Variants in ANKRD28 observed in about 807,000 individuals in gnomAD.
ANKRD28 encodes the protein ankyrin repeat domain 28.
ANKRD28 carries 44 observed loss-of-function variants against 126.5 expected under a neutral mutation model. The observed-to-expected ratio is 0.35, with a 90% CI of 0.27 to 0.45. ANKRD28 has a LOEUF of 0.45. ANKRD28 is among the 20% of genes least tolerant of loss of function. The pLI is 1.00. For missense variants in ANKRD28, 1,110 were observed against 1,316.6 expected (o/e 0.84, Z 2.43); for synonymous variants, 442 against 468.5 (o/e 0.94, Z 0.73).
At chr3:15,709,074 C>T (rs918234040) in intron 13 of ANKRD28, among the ~76,000 whole-genome samples, 2 of 152,096 alleles carry the variant, frequency 1.3e-5, no homozygotes, top group Non-Finnish European at 2.9e-5. Flanking sequence ...ATACTGCTAC[C>T]ACAAATACTC....
chr3:15,704,413 T>C (rs779459650), intron 14 of ANKRD28, among the ~76,000 whole-genome samples: 1 of 152,140 alleles, frequency 6.6e-6, no homozygotes, highest in Non-Finnish European at 1.5e-5. Context: ...AGAAAACCAA[T>C]GTCAGATTGT....
In ANKRD28 at chr3:15,838,809, T is replaced by A. The variant is rs1036612750; in HGVS notation, c.27+20568A>T. Among the ~76,000 whole-genome samples the A allele has an allele frequency of 4.0e-5, 6 of 151,826 alleles. No individual in the cohort carries two copies. Among genetic ancestry groups the A allele is most frequent in the African/African-American group, 1.5e-4 (6 of 41,294 alleles). On this transcript the variant is annotated intron_variant, in intron 1 of 27. Transcript: ENST00000399451. This position sits in a 1 kb window ranked among gnomAD's most constrained non-coding sequence, Gnocchi z 4.0. ...ACGTGTCCATACACAGACTCATACA[T>A]GAATATTCATAGCAGTATTATTCAT...
chr3:15,689,711 G>A, intron 18 of ANKRD28: 1 of 235,986 alleles, frequency 4.2e-6, no homozygotes, highest in Non-Finnish European at 8.3e-6. Context: ...GAAGCTGGTA[G>A]TCTAGGACCT....
chr3:15,822,122 C>A (rs2060955628), intron 1 of ANKRD28, among the ~76,000 whole-genome samples: 1 of 152,198 alleles, frequency 6.6e-6, no homozygotes, highest in African/African-American at 2.4e-5. Flanking sequence ...GCCATATGCT[C>A]AGAGAAGACT....
chr3:15,691,414 C>T (rs1242273908), intron 17 of ANKRD28, among the ~76,000 whole-genome samples: 4 of 152,154 alleles, frequency 2.6e-5, no homozygotes, highest in African/African-American at 9.7e-5. Flanking sequence ...TGAGCCACTG[C>T]GCCCGGCCCC....
chr3:15,689,841 T>C, intron 18 of ANKRD28, 178 bp downstream of exon 18: 1 of 602,082 alleles, frequency 1.7e-6, no homozygotes, highest in East Asian at 2.8e-5. Flanking sequence ...TGACGGAGGC[T>C]TTGTAAATTC....
rs2066196361 is a variant in ANKRD28, at chr3:15,670,048, C to G, written c.*222G>C. ...ACAATTCCACAAAGAATTCTGACAT[C>G]AATGTGTTTTCCTCAGTCAGGTCTA... On this transcript the variant is annotated 3_prime_UTR_variant, in exon 28 of 28. Coordinates refer to ENST00000683139, the MANE Select transcript of ANKRD28 (RefSeq NM_001349278.2). 2 of 513,554 alleles carry G rather than the reference C, an allele frequency of 3.9e-6. No individual in the cohort carries two copies. Among genetic ancestry groups the G allele is most frequent in the South Asian group, 5.9e-5 (2 of 34,178 alleles). The allele number at this position is 513,554 out of a possible 1,614,324, so 31.8% of individuals were successfully genotyped here. A position where few individuals can be genotyped will look rare whatever the true frequency, so the allele number is the denominator to read the frequency against.
intron 6 of ANKRD28, among the ~76,000 whole-genome samples, chr3:15,728,603 T>C (rs2074360440): frequency 6.6e-6 from 1 of 152,178 alleles, no homozygotes; most frequent in African/African-American, 2.4e-5. Context: ...ACTAAACATA[T>C]CTTTTATATG....
chr3:15,691,832 T>G (rs1012804991), intron 17 of ANKRD28, among the ~76,000 whole-genome samples: 5 of 152,020 alleles, frequency 3.3e-5, no homozygotes, highest in Non-Finnish European at 7.4e-5. Context: ...AAAGACAATA[T>G]AAAAAGAAGA....
chr3:15,809,826 A>C (rs563605236), intron 1 of ANKRD28, among the ~76,000 whole-genome samples: 1 of 152,318 alleles, frequency 6.6e-6, no homozygotes, highest in East Asian at 1.9e-4. Context: ...ATTTTGTTTG[A>C]GTATGCTATA....
Position 15,796,752 on chromosome 3 carries a change from G to A in ANKRD28, c.-231C>T, listed in dbSNP as rs550918539. ...TAACGAAATTCTATTATTTCTGTTGGATTACTGCAATACTTAAGAAGAAAT... is the reference window on the plus strand; with the variant it reads ...TAACGAAATTCTATTATTTCTGTTGAATTACTGCAATACTTAAGAAGAAAT... On this transcript the variant is annotated 5_prime_UTR_variant, in exon 1 of 28. Coordinates refer to ENST00000683139, the MANE Select transcript of ANKRD28 (RefSeq NM_001349278.2). 1.0e-6 allele frequency: 1 copy of A among 987,886 alleles called. No individual in the cohort carries two copies. The highest frequency in any genetic ancestry group is 1.1e-4 in the East Asian group (1 of 9,028). The allele number at this position is 987,886 out of a possible 1,614,324, so 61.2% of individuals were successfully genotyped here.
At chr3:15,681,359 T>C (rs879473085) in intron 21 of ANKRD28, among the ~76,000 whole-genome samples, 1 of 152,210 alleles carries the variant, frequency 6.6e-6, no homozygotes, top group Non-Finnish European at 1.5e-5. Flanking sequence ...CTGACTGTAT[T>C]GACTGTTCAT....
intron 1 of ANKRD28, among the ~76,000 whole-genome samples, chr3:15,819,358 CATAA>C (rs1258160209): frequency 6.6e-6 from 1 of 151,982 alleles, no homozygotes; most frequent in Non-Finnish European, 1.5e-5. Context: ...CAGAAGAGTC[CATAA>C]ATAGAGCTAC....
intron 2 of ANKRD28, among the ~76,000 whole-genome samples, chr3:15,776,321 G>C (rs2059265799): frequency 6.6e-6 from 1 of 152,034 alleles, no homozygotes; most frequent in African/African-American, 2.4e-5. Context: ...CAGAAGACAA[G>C]TTTACAAATA....
At chr3:15,778,503 T>C (rs2059398412) in intron 2 of ANKRD28, among the ~76,000 whole-genome samples, 1 of 152,190 alleles carries the variant, frequency 6.6e-6, no homozygotes, top group African/African-American at 2.4e-5. Context: ...CCTTTCCCAG[T>C]TGTCAGCCAG....
At chr3:15,782,304 C>T (rs1657342823) in intron 2 of ANKRD28, among the ~76,000 whole-genome samples, 1 of 151,850 alleles carries the variant, frequency 6.6e-6, no homozygotes, top group Admixed American at 6.6e-5. Flanking sequence ...TTCAGTAGCG[C>T]AGAATTATTC....
chr3:15,679,885 T>C (rs963283123), intron 21 of ANKRD28, among the ~76,000 whole-genome samples: 4 of 149,040 alleles, frequency 2.7e-5, no homozygotes, highest in Admixed American at 1.3e-4. Context: ...TCTTGTCATA[T>C]ACCCTAAATA....
intron 6 of ANKRD28, among the ~76,000 whole-genome samples, chr3:15,725,848 G>A (rs1214739703): frequency 1.3e-5 from 2 of 152,050 alleles, no homozygotes; most frequent in African/African-American, 4.8e-5. Flanking sequence ...GTCGAGACCA[G>A]CCTGGCCAAA....
At chr3:15,822,268 G>C (rs191342023) in intron 1 of ANKRD28, among the ~76,000 whole-genome samples, 3 of 152,294 alleles carry the variant, frequency 2.0e-5, no homozygotes, top group Non-Finnish European at 2.9e-5. Flanking sequence ...TAAAATCTAG[G>C]AGAGTTTGTT....
Sources: gnomAD v4.1 joint callset for allele counts (sites outside exome capture counted in the v4.1 genomes callset) on GRCh38, gnomAD v4.1.1 for gene constraint, Gnocchi (gnomAD v3.1) non-coding constraint, MANE v1.5 for transcripts, NCBI Gene and HGNC (gene_info 2026-07-23, HGNC 2026-07-21) for gene names.